JARID2: variants seen among roughly 807,000 people sequenced by gnomAD.
JARID2 encodes protein Jumonji.
In JARID2, 21 loss-of-function variants were observed where a neutral mutation model predicts 125.6. The ratio of observed to expected loss-of-function variants is 0.17; its 90% CI spans 0.12 to 0.24. The LOEUF (loss-of-function observed/expected upper bound fraction) is 0.24, where lower values mean the gene tolerates loss of function less well. JARID2 is among the 10% of genes least tolerant of loss of function. JARID2 has a pLI of 1.00. For missense variants in JARID2, 1,303 were observed against 1,639.6 expected (o/e 0.79, Z 3.55); for synonymous variants, 736 against 661.6 (o/e 1.11, Z -1.73).
intron 1 of JARID2, among the ~76,000 whole-genome samples, chr6:15,372,030 A>G (rs1478436072): frequency 6.6e-6 from 1 of 152,240 alleles, no homozygotes; most frequent in African/African-American, 2.4e-5. Flanking sequence ...CTCTCATTCT[A>G]GGAAATCTGT....
At chr6:15,451,247 A>G (rs1478144689) in intron 3 of JARID2, among the ~76,000 whole-genome samples, 1 of 152,256 alleles carries the variant, frequency 6.6e-6, no homozygotes, top group Non-Finnish European at 1.5e-5. Flanking sequence ...AGGAATTGAA[A>G]TGTACTCTGT....
At chr6:15,461,702 C>T (rs1393136530) in intron 4 of JARID2, among the ~76,000 whole-genome samples, 1 of 152,156 alleles carries the variant, frequency 6.6e-6, no homozygotes, top group Non-Finnish European at 1.5e-5. Flanking sequence ...TATCACCTTA[C>T]TGTGAGTCAC....
chr6:15,274,706 G>GT (rs1300574980), intron 1 of JARID2, among the ~76,000 whole-genome samples: 3 of 152,082 alleles, frequency 2.0e-5, no homozygotes, highest in African/African-American at 4.8e-5. Context: ...TTGATTCTGG[G>GT]TTTTTTTGTT....
intron 3 of JARID2, among the ~76,000 whole-genome samples, chr6:15,431,423 G>A (rs1766961233): frequency 1.3e-5 from 2 of 152,206 alleles, no homozygotes; most frequent in South Asian, 4.1e-4. Flanking sequence ...AGGCCAAGGA[G>A]AGGAGGGTAT....
intron 1 of JARID2, among the ~76,000 whole-genome samples, chr6:15,284,792 A>G (rs1760930507): frequency 6.6e-6 from 1 of 152,070 alleles, no homozygotes; most frequent in Admixed American, 6.6e-5. Context: ...TGGCTGTTTT[A>G]TAATCCTTCA....
At chr6:15,384,789 G>A (rs570339571) in intron 2 of JARID2, among the ~76,000 whole-genome samples, 2 of 152,116 alleles carry the variant, frequency 1.3e-5, no homozygotes, top group Non-Finnish European at 2.9e-5. Flanking sequence ...TGCTGGTCTC[G>A]AACTGCCGGG....
intron 3 of JARID2, among the ~76,000 whole-genome samples, chr6:15,432,152 G>A (rs1481747299): frequency 6.6e-6 from 1 of 152,108 alleles, no homozygotes; most frequent in Non-Finnish European, 1.5e-5. Flanking sequence ...CTACAGGCCG[G>A]GTGTGGTGGC....
intron 5 of JARID2, among the ~76,000 whole-genome samples, chr6:15,486,533 C>T (rs1303787053): frequency 1.3e-5 from 2 of 152,222 alleles, no homozygotes; most frequent in Non-Finnish European, 1.5e-5. Context: ...GTGTCCTGTC[C>T]AGTAGGGTTG....
At chr6:15,407,651 A>G (rs1223995377) in intron 2 of JARID2, among the ~76,000 whole-genome samples, 1 of 152,054 alleles carries the variant, frequency 6.6e-6, no homozygotes, top group African/African-American at 2.4e-5. Context: ...CTCTTCGTCC[A>G]TCACCACTTC....
intron 1 of JARID2, among the ~76,000 whole-genome samples, chr6:15,250,949 G>C (rs1338515228): frequency 6.6e-6 from 1 of 151,458 alleles, no homozygotes; most frequent in East Asian, 1.9e-4. Flanking sequence ...GAGAAGACAC[G>C]AGAATGTCAT....
chr6:15,417,577 C>CA (rs1029945215), intron 3 of JARID2, among the ~76,000 whole-genome samples: 2 of 151,882 alleles, frequency 1.3e-5, no homozygotes, highest in Non-Finnish European at 2.9e-5. Context: ...CCATTTCTAC[C>CA]AAAAAATACA....
intron 1 of JARID2, among the ~76,000 whole-genome samples, chr6:15,328,792 C>G (rs1276306148): frequency 2.0e-5 from 3 of 152,200 alleles, no homozygotes; most frequent in African/African-American, 7.2e-5. Flanking sequence ...CTGTGCAGCA[C>G]ATGTTAATAT....
chr6:15,480,110 T>A (rs1423779916), intron 5 of JARID2, among the ~76,000 whole-genome samples: 1 of 152,246 alleles, frequency 6.6e-6, no homozygotes, highest in Non-Finnish European at 1.5e-5. Context: ...AAACTTGCGG[T>A]GGATCTCTTT....
chr6:15,416,567 A>G (rs995638354), intron 3 of JARID2, among the ~76,000 whole-genome samples: 1 of 152,136 alleles, frequency 6.6e-6, no homozygotes, highest in Non-Finnish European at 1.5e-5. Flanking sequence ...GCGCGCCTGC[A>G]ATGGCAGGCA....
chr6:15,347,245 A>G (rs1763274037), intron 1 of JARID2, among the ~76,000 whole-genome samples: 1 of 152,200 alleles, frequency 6.6e-6, no homozygotes, highest in Admixed American at 6.5e-5. Context: ...AGAAGGACCC[A>G]GGTAGGTGGT....
rs138121356 is a variant in JARID2 at position 15,379,075 on chromosome 6, A to G, written c.181+4823A>G. ...CTGTGAGTAGTAATAACCTAAGCAGACATAAGATAGTGGAGACACGTCGTT... is the reference window on the plus strand; with the variant it reads ...CTGTGAGTAGTAATAACCTAAGCAGGCATAAGATAGTGGAGACACGTCGTT... On this transcript the variant is annotated intron_variant, in intron 2 of 17. Coordinates refer to ENST00000341776, the MANE Select transcript of JARID2 (RefSeq NM_004973.4). 5.4e-3 allele frequency among the ~76,000 whole-genome samples: 818 copies of G among 152,252 alleles called. 23 individuals carry two copies. The highest frequency in any genetic ancestry group is 0.049 in the Admixed American group (744 of 15,300).
intron 1 of JARID2, among the ~76,000 whole-genome samples, chr6:15,312,895 C>G (rs1762060497): frequency 6.6e-6 from 1 of 152,134 alleles, no homozygotes; most frequent in Non-Finnish European, 1.5e-5. Context: ...TTACCTTTAC[C>G]CCTCACCACC....
rs200127548 is a variant in JARID2 at position 15,494,413 on chromosome 6, C to T, written c.907-1719C>T. The stretch of plus-strand genomic sequence containing the variant: ...ACTGGTTTGGATGTTTTTGGCAAGT[C>T]TTTTTTTTTTTTTTTTTTTTGAGAC... On this transcript the variant is annotated intron_variant, in intron 6 of 17. Transcript: ENST00000341776. Among the ~76,000 whole-genome samples the T allele has an allele frequency of 2.4e-3, 196 of 80,528 alleles. 1 individual carries two copies. The highest frequency in any genetic ancestry group is 2.7e-3 in the South Asian group (5 of 1,874). 52.8% of individuals were successfully genotyped at this position (80,528 alleles called of 152,430 possible).
intron 3 of JARID2, among the ~76,000 whole-genome samples, chr6:15,422,884 C>G (rs1199957903): frequency 1.3e-5 from 2 of 152,034 alleles, no homozygotes; most frequent in African/African-American, 4.8e-5. Context: ...GGAAGCAGCT[C>G]CTTTTTTCTC....
Sources: allele counts gnomAD v4.1 joint callset (sites outside exome capture counted in the v4.1 genomes callset), GRCh38; gene constraint gnomAD v4.1.1; transcripts MANE v1.5; gene names NCBI Gene and HGNC (gene_info 2026-07-23, HGNC 2026-07-21).